LGSN: variants seen among roughly 807,000 people sequenced by gnomAD.
LGSN encodes the protein lengsin.
A neutral mutation model predicts 19.5 loss-of-function variants in LGSN; 21 were observed. The ratio of observed to expected loss-of-function variants is 1.07; its 90% CI spans 0.76 to 1.55. LGSN has a LOEUF of 1.55. Among genes scored for constraint, LGSN ranks in the 40% most tolerant of loss-of-function variants. LGSN has a pLI of 0.00. For missense variants in LGSN, 673 were observed against 608.5 expected, an observed-to-expected ratio of 1.11 and a Z score of -1.12; for synonymous variants, 257 against 215.6, an observed-to-expected ratio of 1.19 and a Z score of -1.68.
the LGSN span, among the ~76,000 whole-genome samples, chr6:63,511,478 ACTC>A: frequency 1.3e-5 from 2 of 151,124 alleles, no homozygotes; most frequent in Non-Finnish European, 3.0e-5. Context: ...CTGGTCTTGA[ACTC>A]CTGACCTCAG....
the LGSN span, among the ~76,000 whole-genome samples, chr6:63,366,928 C>T: frequency 1.3e-5 from 2 of 151,248 alleles, no homozygotes; most frequent in Admixed American, 6.6e-5. Context: ...ACACCTTATA[C>T]AAAAATTAAT....
the LGSN span, among the ~76,000 whole-genome samples, chr6:63,432,088 G>GGAAGGAAAGAAAGAAAGAAAGAAA: frequency 2.2e-5 from 1 of 44,742 alleles, no homozygotes; most frequent in South Asian, 8.8e-4. Flanking sequence ...AGAAAAAGAA[G>GGAAGGAAAGAAAGAAAGAAAGAAA]GAAAGAAAGA....
Position 63,276,808 on chromosome 6 carries a change from T to C in LGSN, c.*3213A>G, listed in dbSNP as rs75872143. On this transcript the variant is annotated 3_prime_UTR_variant, in exon 4 of 4. Transcript: ENST00000370657. ...ACCCTCTTAACCCAGACCAAGAAGGTAGAAGCATCAGCAGAAAGTCCTTTC... is the reference window on the plus strand; with the variant it reads ...ACCCTCTTAACCCAGACCAAGAAGGCAGAAGCATCAGCAGAAAGTCCTTTC... 29 of 152,312 alleles carry C rather than the reference T, an allele frequency of 1.9e-4. No individual in the cohort carries two copies. The highest frequency in any genetic ancestry group is 6.7e-4 in the African/African-American group (28 of 41,560). 9.4% of individuals were successfully genotyped at this position (152,312 alleles called of 1,614,324 possible).
the LGSN span, among the ~76,000 whole-genome samples, chr6:63,420,527 G>T: frequency 3.3e-5 from 5 of 152,248 alleles, no homozygotes; most frequent in Non-Finnish European, 7.3e-5. Flanking sequence ...GCTCAGCTGG[G>T]CCTCTGATAG....
the LGSN span, among the ~76,000 whole-genome samples, chr6:63,481,195 T>C: frequency 6.6e-6 from 1 of 152,020 alleles, no homozygotes; most frequent in East Asian, 1.9e-4. Flanking sequence ...CAAAGTGATA[T>C]AATGTGACCT....
At chr6:63,522,551 G>C in the LGSN span, among the ~76,000 whole-genome samples, 3 of 152,100 alleles carry the variant, frequency 2.0e-5, no homozygotes, top group Non-Finnish European at 4.4e-5. Context: ...TTCTTTTTGA[G>C]GTAGAAAAGG....
At chr6:63,504,006 C>T in the LGSN span, among the ~76,000 whole-genome samples, 1 of 152,088 alleles carries the variant, frequency 6.6e-6, no homozygotes, top group African/African-American at 2.4e-5. Context: ...ATAATTCCCT[C>T]TAAAAGAAAT....
chr6:63,384,101 C>A, the LGSN span, among the ~76,000 whole-genome samples: 2 of 152,262 alleles, frequency 1.3e-5, no homozygotes, highest in East Asian at 3.9e-4. Flanking sequence ...ACCCATAAAC[C>A]ACAAACCTAT....
At chr6:63,458,008 C>A in the LGSN span, among the ~76,000 whole-genome samples, 1 of 151,924 alleles carries the variant, frequency 6.6e-6, no homozygotes, top group Admixed American at 6.6e-5. Context: ...CAAGGTCAAG[C>A]TATTATTTTC....
the LGSN span, among the ~76,000 whole-genome samples, chr6:63,349,062 G>C: frequency 6.6e-6 from 1 of 152,200 alleles, no homozygotes; most frequent in Non-Finnish European, 1.5e-5. Context: ...TGAGCTTACT[G>C]TGCACAGAAA....
At chr6:63,540,012 T>C in the LGSN span, among the ~76,000 whole-genome samples, 1 of 152,182 alleles carries the variant, frequency 6.6e-6, no homozygotes, top group Non-Finnish European at 1.5e-5. Flanking sequence ...TGGTGGACAC[T>C]GATACAGCCA....
the LGSN span, among the ~76,000 whole-genome samples, chr6:63,406,178 T>C: frequency 1.3e-5 from 2 of 152,172 alleles, no homozygotes; most frequent in Non-Finnish European, 2.9e-5. Context: ...CAAGCAGACC[T>C]AACAGACATC....
chr6:63,316,761 A>G (rs1159757094), intron 1 of LGSN, among the ~76,000 whole-genome samples: 1 of 151,902 alleles, frequency 6.6e-6, no homozygotes, highest in Non-Finnish European at 1.5e-5. Flanking sequence ...TTAAATATTC[A>G]TGTATATATA....
intron 2 of LGSN, among the ~76,000 whole-genome samples, chr6:63,292,168 G>A (rs1163498675): frequency 6.6e-6 from 1 of 152,140 alleles, no homozygotes. Context: ...ACTGTTGCCT[G>A]GAGTCTCTAG....
At chr6:63,452,756 T>C in the LGSN span, among the ~76,000 whole-genome samples, 1 of 141,310 alleles carries the variant, frequency 7.1e-6, no homozygotes, top group Non-Finnish European at 1.6e-5. Context: ...TGCATTCCAT[T>C]TTTTTTCTTC....
At chr6:63,484,728 A>G in the LGSN span, among the ~76,000 whole-genome samples, 1 of 152,236 alleles carries the variant, frequency 6.6e-6, no homozygotes, top group African/African-American at 2.4e-5. Context: ...ATGATTTACC[A>G]CGCAAGAGAA....
chr6:63,572,962 G>C, the LGSN span, among the ~76,000 whole-genome samples: 11 of 152,226 alleles, frequency 7.2e-5, no homozygotes, highest in East Asian at 1.6e-3. Flanking sequence ...CGGAGGCACC[G>C]GCTTTTGAGT....
At chr6:63,445,488 G>GGC in the LGSN span, among the ~76,000 whole-genome samples, 173 of 152,142 alleles carry the variant, frequency 1.1e-3, no homozygotes, top group African/African-American at 3.8e-3. Flanking sequence ...TGTGGTGGCA[G>GGC]GCGCTTGTAG....
the LGSN span, among the ~76,000 whole-genome samples, chr6:63,365,031 G>A: frequency 2.6e-5 from 4 of 151,920 alleles, no homozygotes; most frequent in African/African-American, 4.8e-5. Flanking sequence ...AAGAACTAGA[G>A]AAGCAAGAGC....
Sources: allele counts gnomAD v4.1 joint callset (sites outside exome capture counted in the v4.1 genomes callset), GRCh38; gene constraint gnomAD v4.1.1; transcripts MANE v1.5; gene names NCBI Gene and HGNC (gene_info 2026-07-23, HGNC 2026-07-21).